Variants in CDH23 observed in about 807,000 individuals in gnomAD.
CDH23 encodes the protein cadherin-23.
A neutral mutation model predicts 317.1 loss-of-function variants in CDH23; 189 were observed. That is an observed-to-expected ratio of 0.60 (90% CI 0.53 to 0.67). The LOEUF is 0.67. Among genes scored for constraint, CDH23 ranks in the 30% least tolerant of loss-of-function variants. The pLI is 0.00. For synonymous variants in CDH23, 1,839 were observed against 1,876.8 expected (o/e 0.98, Z 0.52); for missense variants, 4,401 against 4,592.4 (o/e 0.96, Z 1.20).
intron 19 of CDH23, among the ~76,000 whole-genome samples, chr10:71,689,597 A>C (rs1309006889): frequency 6.6e-6 from 1 of 152,166 alleles, no homozygotes; most frequent in Non-Finnish European, 1.5e-5. Context: ...GGGACTGCTG[A>C]TTCATCCGCT....
rs776939202 is a variant in CDH23, at chr10:71,675,135, C to A, written c.1473C>A (p.Thr491=). ...AGGCAACTGACAATGATGCAGGCAC[C>A]TTTGGGGAAGTCAGCTACTTCTTCA... ...TVLATDNDAG[T]FGEVSYFFSD... is the part of the protein sequence containing the mutation. Residue 491 remains threonine, a synonymous_variant, in exon 15 of 70, where the codon ACC becomes ACA. Coordinates refer to ENST00000224721, the MANE Select transcript of CDH23 (RefSeq NM_022124.6). 1 of 1,614,020 alleles carries A rather than the reference C, an allele frequency of 6.2e-7. No individual in the cohort carries two copies. Among genetic ancestry groups the A allele is most frequent in the Non-Finnish European group, 8.5e-7 (1 of 1,179,880 alleles).
chr10:71,804,287 T>C (rs1841647077), intron 55 of CDH23, among the ~76,000 whole-genome samples: 1 of 152,038 alleles, frequency 6.6e-6, no homozygotes, highest in Admixed American at 6.5e-5. Flanking sequence ...AGCATCAAAA[T>C]AAGAAATGAG....
At chr10:71,450,466 C>G (rs1407919323) in intron 3 of CDH23, among the ~76,000 whole-genome samples, 2 of 152,076 alleles carry the variant, frequency 1.3e-5, no homozygotes, top group Admixed American at 1.3e-4. Context: ...CGGGGTTTCA[C>G]CACGTTGTCC....
intron 3 of CDH23, among the ~76,000 whole-genome samples, chr10:71,494,546 A>G (rs6480526): frequency 0.72 from 109,982 of 152,126 alleles, 41,138 homozygotes; most frequent in African/African-American, 0.92. Flanking sequence ...TACCTTCCTC[A>G]CGTGTTTGTG....
chr10:71,603,493 G>A (rs544962415), intron 9 of CDH23, among the ~76,000 whole-genome samples: 324 of 152,296 alleles, frequency 2.1e-3, no homozygotes, highest in Admixed American at 5.0e-3. Context: ...CAGGCTGGGG[G>A]ACCTGGGGCA....
chr10:71,438,374 G>C (rs558644548), intron 1 of CDH23, among the ~76,000 whole-genome samples: 9 of 146,502 alleles, frequency 6.1e-5, no homozygotes, highest in Non-Finnish European at 1.2e-4. Flanking sequence ...AAGAAAGAAA[G>C]AAAGAAAAAA....
chr10:71,452,657 C>A (rs952605240), intron 3 of CDH23, among the ~76,000 whole-genome samples: 14 of 152,130 alleles, frequency 9.2e-5, no homozygotes, highest in African/African-American at 3.4e-4. Flanking sequence ...TCTAGCGTGG[C>A]TATTTGTGTG....
At chr10:71,424,455 T>A (rs973943775) in intron 1 of CDH23, among the ~76,000 whole-genome samples, 1 of 152,238 alleles carries the variant, frequency 6.6e-6, no homozygotes, top group African/African-American at 2.4e-5. Flanking sequence ...GGAAAAGATG[T>A]ATCACTTAAC....
intron 18 of CDH23, among the ~76,000 whole-genome samples, chr10:71,682,924 T>C (rs941691250): frequency 6.6e-6 from 1 of 152,208 alleles, no homozygotes; most frequent in Admixed American, 6.5e-5. Context: ...ATGGCTGCAT[T>C]CTGTGAAGAA....
chr10:71,655,651 C>T (rs996733051), intron 14 of CDH23, among the ~76,000 whole-genome samples: 1 of 152,052 alleles, frequency 6.6e-6, no homozygotes, highest in African/African-American at 2.4e-5. Context: ...CAAGCAGGTT[C>T]TCTCTGTCTC....
intron 16 of CDH23, 91 bp from the exon 17 acceptor site, chr10:71,679,296 G>A (rs1864509202): frequency 2.2e-6 from 2 of 894,834 alleles, no homozygotes; most frequent in African/African-American, 1.7e-5. Context: ...TGTGAACAGG[G>A]CCAGTCTTCC....
At chr10:71,457,706 G>A (rs909585949) in intron 3 of CDH23, among the ~76,000 whole-genome samples, 1 of 152,216 alleles carries the variant, frequency 6.6e-6, no homozygotes, top group African/African-American at 2.4e-5. Context: ...GTGTGAGCCT[G>A]GGCAAGTCAA....
At chr10:71,614,186 G>A (rs921197717) in intron 9 of CDH23, among the ~76,000 whole-genome samples, 2 of 152,200 alleles carry the variant, frequency 1.3e-5, no homozygotes, top group South Asian at 2.1e-4. Context: ...CAGAGATGCC[G>A]ATTCTGGTGG....
At chr10:71,429,465 C>G (rs115731764) in intron 1 of CDH23, among the ~76,000 whole-genome samples, 1 of 152,120 alleles carries the variant, frequency 6.6e-6, no homozygotes. Flanking sequence ...TGGGAGACCC[C>G]GCATGGGTGT....
intron 23 of CDH23, 134 bp from the exon 24 acceptor site, chr10:71,702,415 C>A: frequency 8.0e-7 from 1 of 1,251,118 alleles, no homozygotes; most frequent in Non-Finnish European, 1.1e-6. Context: ...GAGGCCTAGG[C>A]TGCTTCCTGG....
intron 17 of CDH23, 65 bp downstream of exon 17, chr10:71,679,557 C>T: frequency 1.6e-6 from 2 of 1,261,598 alleles, no homozygotes; most frequent in South Asian, 2.5e-5. Context: ...TGCACTCACA[C>T]CTCCCTTGTG....
chr10:71,659,458 G>A (rs2132627951), intron 14 of CDH23, among the ~76,000 whole-genome samples: 1 of 152,330 alleles, frequency 6.6e-6, no homozygotes, highest in South Asian at 2.1e-4. Flanking sequence ...AGCTGGCTCT[G>A]TGGGTTTGGG....
At chr10:71,779,541 A>C in intron 41 of CDH23, 94 bp downstream of exon 41, 11 of 1,080,448 alleles carry the variant, frequency 1.0e-5, no homozygotes, top group Non-Finnish European at 1.4e-5. Context: ...ATTTGGCCTC[A>C]CCATTGTGTG....
chr10:71,561,716 G>A (rs1036649981), intron 6 of CDH23, among the ~76,000 whole-genome samples: 18 of 152,228 alleles, frequency 1.2e-4, no homozygotes, highest in Non-Finnish European at 4.4e-5. Flanking sequence ...AACCTGGCAG[G>A]TGCAAGAATT....
Sources: allele counts gnomAD v4.1 joint callset (sites outside exome capture counted in the v4.1 genomes callset), GRCh38; gene constraint gnomAD v4.1.1; transcripts MANE v1.5; gene names NCBI Gene and HGNC (gene_info 2026-07-23, HGNC 2026-07-21).